The following TXNRD1 variants were observed in gnomAD, a reference collection of about 807,000 sequenced individuals.
TXNRD1 encodes thioredoxin reductase 1.
A neutral mutation model predicts 80.3 loss-of-function variants in TXNRD1; 57 were observed. The observed-to-expected ratio is 0.71, with a 90% CI of 0.57 to 0.89. TXNRD1 has a LOEUF of 0.89. TXNRD1 is among the 40% of genes least tolerant of loss of function. The probability of loss-of-function intolerance (pLI) is 0.00; values close to 1 mark genes in which losing one functional copy is unlikely to be tolerated. For missense variants in TXNRD1, 730 were observed against 803.0 expected (o/e 0.91, Z 1.10); for synonymous variants, 291 against 285.2 (o/e 1.02, Z -0.20).
chr12:104,281,424 T>TA (rs2033875636), intron 3 of TXNRD1, among the ~76,000 whole-genome samples: 2 of 138,756 alleles, frequency 1.4e-5, no homozygotes, highest in African/African-American at 2.8e-5. Flanking sequence ...TTTTTCTTTT[T>TA]GAGATGGAGT....
intron 13 of TXNRD1, among the ~76,000 whole-genome samples, chr12:104,330,438 A>G (rs1226163616): frequency 6.6e-6 from 1 of 152,198 alleles, no homozygotes; most frequent in Non-Finnish European, 1.5e-5. Flanking sequence ...CTTGTCATCT[A>G]TACCTGTTAA....
intron 2 of TXNRD1, among the ~76,000 whole-genome samples, chr12:104,257,001 T>C (rs1338434297): frequency 1.3e-5 from 2 of 148,362 alleles, no homozygotes; most frequent in African/African-American, 2.5e-5. Context: ...TCAAGAATCA[T>C]TTTCCTCATT....
chr12:104,228,044 C>T (rs2032515595), intron 1 of TXNRD1, among the ~76,000 whole-genome samples: 2 of 152,126 alleles, frequency 1.3e-5, no homozygotes, highest in South Asian at 2.1e-4. Flanking sequence ...GGCTCACACC[C>T]GTAATCCCGG....
chr12:104,271,469 A>G (rs1041395566), intron 3 of TXNRD1, among the ~76,000 whole-genome samples: 1 of 151,848 alleles, frequency 6.6e-6, no homozygotes, highest in Non-Finnish European at 1.5e-5. Flanking sequence ...GAGCCACCAC[A>G]CCTGGCCATA....
chr12:104,235,522 G>C (rs898311950), intron 1 of TXNRD1, among the ~76,000 whole-genome samples: 5 of 152,134 alleles, frequency 3.3e-5, no homozygotes, highest in African/African-American at 9.7e-5. Context: ...AGGGTAAAAA[G>C]GTTTACCAGT....
intron 13 of TXNRD1, among the ~76,000 whole-genome samples, chr12:104,327,979 C>G (rs532388284): frequency 6.6e-6 from 1 of 151,008 alleles, no homozygotes; most frequent in Non-Finnish European, 1.5e-5. Flanking sequence ...GCCAACATGG[C>G]GAAACCCCAT....
intron 3 of TXNRD1, among the ~76,000 whole-genome samples, chr12:104,277,324 C>T (rs536218631): frequency 2.0e-5 from 3 of 149,670 alleles, no homozygotes; most frequent in Admixed American, 6.7e-5. Flanking sequence ...GACATGAACC[C>T]GGGAGGCGGA....
At chr12:104,263,787 T>G (rs1408372204) in intron 3 of TXNRD1, among the ~76,000 whole-genome samples, 1 of 152,198 alleles carries the variant, frequency 6.6e-6, no homozygotes, top group Non-Finnish European at 1.5e-5. Flanking sequence ...TCCTGGCTGC[T>G]TATGGAGGAC....
At chr12:104,265,645 A>G (rs1488326588) in intron 3 of TXNRD1, 88 of 1,607,154 alleles carry the variant, frequency 5.5e-5, no homozygotes, top group Non-Finnish European at 7.3e-5. Context: ...CTACCGAGAC[A>G]TGGGTGCCCG....
At position 104,315,773 on chromosome 12, in the gene TXNRD1, G is replaced by A; in HGVS notation, c.611-4G>A. 1 of 1,610,246 alleles carries A rather than the reference G, an allele frequency of 6.2e-7. No individual in the cohort carries two copies. Among genetic ancestry groups the A allele is most frequent in the South Asian group, 1.1e-5 (1 of 90,720 alleles). On this transcript the variant is annotated splice_polypyrimidine_tract_variant and splice_region_variant and intron_variant, in intron 6 of 16. Coordinates refer to ENST00000525566, the MANE Select transcript of TXNRD1 (RefSeq NM_001093771.3). ...TATAAACTGATTTCTCAATGTTGTTGTAGGTCTCGGAGGAACATGTGTGAA... is the reference window on the plus strand; with the variant it reads ...TATAAACTGATTTCTCAATGTTGTTATAGGTCTCGGAGGAACATGTGTGAA...
intron 3 of TXNRD1, among the ~76,000 whole-genome samples, chr12:104,261,500 A>G (rs1273841784): frequency 6.6e-6 from 1 of 151,902 alleles, no homozygotes; most frequent in Non-Finnish European, 1.5e-5. Context: ...TACTTTCTCT[A>G]TCATTTTTCA....
chr12:104,217,194 G>A (rs911185412), intron 1 of TXNRD1, among the ~76,000 whole-genome samples: 1 of 151,256 alleles, frequency 6.6e-6, no homozygotes, highest in African/African-American at 2.4e-5. Context: ...CCAAATTGAC[G>A]TTTCATGTGC....
At chr12:104,308,197 G>T (rs531080263) in intron 4 of TXNRD1, among the ~76,000 whole-genome samples, 279 of 152,078 alleles carry the variant, frequency 1.8e-3, no homozygotes, top group Non-Finnish European at 3.3e-3. Flanking sequence ...GGGTTTCACC[G>T]TGTTAGCCAG....
intron 1 of TXNRD1, among the ~76,000 whole-genome samples, chr12:104,235,560 C>A (rs969522159): frequency 6.6e-5 from 10 of 152,134 alleles, no homozygotes; most frequent in African/African-American, 2.4e-4. Flanking sequence ...TCTCCTTGTG[C>A]AAACCAGTAA....
chr12:104,286,507 A>T (rs978042930), intron 3 of TXNRD1, among the ~76,000 whole-genome samples: 1 of 152,142 alleles, frequency 6.6e-6, no homozygotes. Context: ...AACTTCCTTT[A>T]GGGAACTGCC....
intron 9 of TXNRD1, among the ~76,000 whole-genome samples, chr12:104,320,615 T>C (rs1049636373): frequency 1.3e-5 from 2 of 152,334 alleles, no homozygotes; most frequent in African/African-American, 4.8e-5. Flanking sequence ...CTACTCCTTA[T>C]AGTTGGCTTT....
At chr12:104,252,414 A>G (rs1351319387) in intron 2 of TXNRD1, among the ~76,000 whole-genome samples, 1 of 151,798 alleles carries the variant, frequency 6.6e-6, no homozygotes, top group Non-Finnish European at 1.5e-5. Context: ...TTAGATTATC[A>G]GAGAGAAAAG....
At chr12:104,254,642 A>ATATATATATATATATATATATATATATAT (rs1555207862) in intron 2 of TXNRD1, among the ~76,000 whole-genome samples, 3 of 104,550 alleles carry the variant, frequency 2.9e-5, no homozygotes, top group Non-Finnish European at 5.3e-5. Flanking sequence ...AAAAAAAAAA[A>ATATATATATATATATATATATATATATAT]AAATATATAT....
chr12:104,309,751 C>G (rs1235728402), intron 4 of TXNRD1: 2 of 1,511,218 alleles, frequency 1.3e-6, no homozygotes, highest in East Asian at 2.5e-5. Context: ...ATTGTTTTTC[C>G]CCCACAGTGC....
Sources: gnomAD v4.1 joint callset for allele counts (sites outside exome capture counted in the v4.1 genomes callset) on GRCh38, gnomAD v4.1.1 for gene constraint, MANE v1.5 for transcripts, NCBI Gene and HGNC (gene_info 2026-07-23, HGNC 2026-07-21) for gene names.